The following HACL2 variants were observed in gnomAD, a reference collection of about 807,000 sequenced individuals.
HACL2 encodes the protein 2-hydroxyacyl-CoA lyase 1 like.
chr19:15,122,975 T>C, the HACL2 span: 12 of 1,603,520 alleles, frequency 7.5e-6, no homozygotes, highest in Non-Finnish European at 1.0e-5. This position sits in a 1 kb window ranked among gnomAD's most constrained non-coding sequence, Gnocchi z 4.0. Flanking sequence ...CACACAAAAC[T>C]TACAGAGTGG....
the HACL2 span, chr19:15,115,170 G>A: frequency 1.3e-6 from 2 of 1,536,390 alleles, no homozygotes; most frequent in Non-Finnish European, 1.8e-6. Flanking sequence ...GATAGGCCCA[G>A]GGCAAGCAAT....
At chr19:15,125,172 C>T in the HACL2 span, 4 of 1,193,426 alleles carry the variant, frequency 3.4e-6, no homozygotes, top group Non-Finnish European at 4.6e-6. Context: ...CGACCCTTGC[C>T]GCCAGTTTCT....
At chr19:15,116,128 C>T in the HACL2 span, 2 of 1,613,228 alleles carry the variant, frequency 1.2e-6, no homozygotes. Context: ...GTGCCCACTG[C>T]CCCAGGCGGG....
At chr19:15,115,111 C>T in the HACL2 span, 2 of 932,146 alleles carry the variant, frequency 2.1e-6, no homozygotes, top group South Asian at 1.4e-5. Flanking sequence ...TGAGATTTGA[C>T]CCCTCCATCC....
chr19:15,121,381 C>T, the HACL2 span, among the ~76,000 whole-genome samples: 1 of 152,136 alleles, frequency 6.6e-6, no homozygotes, highest in Non-Finnish European at 1.5e-5. Flanking sequence ...CCGTGCCTGT[C>T]CTGGAACCTG....
At chr19:15,117,861 G>C in the HACL2 span, 1 of 1,613,244 alleles carries the variant, frequency 6.2e-7, no homozygotes, top group Admixed American at 1.7e-5. Flanking sequence ...ATATGTGTAC[G>C]GGGGGATTAA....
the HACL2 span, chr19:15,116,140 G>T: frequency 1.3e-5 from 21 of 1,613,114 alleles, no homozygotes; most frequent in Non-Finnish European, 1.6e-5. Context: ...CCAGGCGGGG[G>T]CCCTTCCTTA....
chr19:15,120,880 T>C, the HACL2 span, among the ~76,000 whole-genome samples: 1 of 151,772 alleles, frequency 6.6e-6, no homozygotes, highest in Non-Finnish European at 1.5e-5. Context: ...TGTGGTGAGC[T>C]ATGATCATAC....
chr19:15,120,973 T>C, the HACL2 span, among the ~76,000 whole-genome samples: 1 of 151,982 alleles, frequency 6.6e-6, no homozygotes, highest in Admixed American at 6.6e-5. Flanking sequence ...GAGATAGCCT[T>C]GTGAGAGGCA....
At chr19:15,115,800 C>A in the HACL2 span, 1,112,940 of 1,587,132 alleles carry the variant, frequency 0.7, 393,185 homozygotes, top group Non-Finnish European at 0.73. Context: ...CCCCTGGTGA[C>A]ATCTCCCAGA....
At chr19:15,124,957 G>A in the HACL2 span, 3 of 1,608,028 alleles carry the variant, frequency 1.9e-6, no homozygotes, top group South Asian at 1.1e-5. Context: ...AGCCCCAGGC[G>A]GTGAGCGGCG....
At chr19:15,119,560 TA>T in the HACL2 span, 2 of 1,527,514 alleles carry the variant, frequency 1.3e-6, no homozygotes, top group Non-Finnish European at 1.8e-6. Context: ...TTTATTTATT[TA>T]TTTTTTTGAG....
At chr19:15,118,147 T>C in the HACL2 span, 27 of 1,157,502 alleles carry the variant, frequency 2.3e-5, no homozygotes, top group Non-Finnish European at 3.0e-5. Flanking sequence ...CCACCTACAG[T>C]GACCTTGCAG....
At chr19:15,119,133 G>C in the HACL2 span, 1 of 1,521,310 alleles carries the variant, frequency 6.6e-7, no homozygotes, top group Non-Finnish European at 8.8e-7. Context: ...GGGTTCCTGG[G>C]GGAAGGAGGG....
At chr19:15,119,925 GC>G in the HACL2 span, 1 of 1,124,518 alleles carries the variant, frequency 8.9e-7, no homozygotes, top group African/African-American at 1.6e-5. Flanking sequence ...GGGTCAGGGG[GC>G]CCTCTCCCCT....
At chr19:15,119,773 A>G in the HACL2 span, among the ~76,000 whole-genome samples, 1 of 151,124 alleles carries the variant, frequency 6.6e-6, no homozygotes. Context: ...CTAGTCTTGA[A>G]CTCCTGGCCT....
At chr19:15,115,411 C>T in the HACL2 span, 5 of 1,613,782 alleles carry the variant, frequency 3.1e-6, no homozygotes, top group East Asian at 2.2e-5. Flanking sequence ...CCCCCAGACC[C>T]ATGGCTGCCT....
chr19:15,116,398 C>G, the HACL2 span: 1 of 1,614,024 alleles, frequency 6.2e-7, no homozygotes. Context: ...CCACTCCACC[C>G]AGGCCCCACC....
chr19:15,120,108 A>G, the HACL2 span: 1 of 1,418,024 alleles, frequency 7.1e-7, no homozygotes, highest in African/African-American at 1.4e-5. Flanking sequence ...GAAGAAACCA[A>G]GTTGCCAGAA....
Sources: allele counts gnomAD v4.1 joint callset (sites outside exome capture counted in the v4.1 genomes callset), GRCh38; gene constraint gnomAD v4.1.1; non-coding constraint Gnocchi (gnomAD v3.1); transcripts MANE v1.5; gene names NCBI Gene and HGNC (gene_info 2026-07-23, HGNC 2026-07-21).